Variants in KCNH4 observed in about 807,000 individuals in gnomAD.
KCNH4 encodes voltage-gated delayed rectifier potassium channel KCNH4.
KCNH4 carries 33 observed loss-of-function variants against 90.7 expected under a neutral mutation model. The ratio of observed to expected loss-of-function variants is 0.36; its 90% CI spans 0.28 to 0.49. The LOEUF is 0.49. Ranked by LOEUF, KCNH4 falls within the 20% of genes least tolerant of loss-of-function variation. KCNH4 has a pLI of 0.98. For missense variants in KCNH4, 1,044 were observed against 1,387.1 expected (o/e 0.75, Z 3.93); for synonymous variants, 551 against 581.7 (o/e 0.95, Z 0.76).
chr17:42,176,509 C>CTTTTTTTTTTTTTTTTTTTTT (rs869250233), intron 4 of KCNH4, among the ~76,000 whole-genome samples: 1 of 68,466 alleles, frequency 1.5e-5, no homozygotes, highest in Non-Finnish European at 2.8e-5. Flanking sequence ...GGCCCTCCTC[C>CTTTTTTTTTTTTTTTTTTTTT]TTTTTTTTTT....
chr17:42,162,254 G>A lies in KCNH4; in HGVS notation c.2652C>T (p.Asn884=), dbSNP rs764793359. 16 of 1,613,800 alleles carry A rather than the reference G, an allele frequency of 9.9e-6. No homozygotes were observed. In the South Asian group the frequency reaches 1.4e-4, roughly 14 times the overall value. Reference sequence around the variant, plus strand: ...TGAGCCAGCCCCAACCCACCTCCTGGTTCAGCCGGCAAACCTTTTCCTTCA... The same window carrying A: ...TGAGCCAGCCCCAACCCACCTCCTGATTCAGCCGGCAAACCTTTTCCTTCA... The part of the protein sequence containing the change: ...EEVKEKVCRL[N]QEISRLNQEV... Residue 884 remains asparagine (N), a synonymous_variant, in exon 15 of 17, where the codon AAC becomes AAT. Coordinates refer to ENST00000264661, the MANE Select transcript of KCNH4 (RefSeq NM_012285.3).
chr17:42,163,296 T>TCAG lies in KCNH4; in HGVS notation c.2513_2515dup (p.Ala838dup). On this transcript the variant is annotated inframe_insertion, in exon 14 of 17. Coordinates refer to ENST00000264661, the MANE Select transcript of KCNH4 (RefSeq NM_012285.3). This position sits in a 1 kb window ranked among gnomAD's most constrained non-coding sequence, Gnocchi z 5.4. ...CCTGCTGAATCGGAATGAAGGGGCC[T>TCAG]CAGCTGTGCTGCCAGAGTCCTCAAT... 1 of 1,614,048 alleles carries TCAG rather than the reference T, an allele frequency of 6.2e-7. No individual in the cohort carries two copies. The highest frequency in any genetic ancestry group is 8.5e-7 in the Non-Finnish European group (1 of 1,179,992).
At position 42,175,598 on chromosome 17, in the gene KCNH4, T is replaced by G. The variant is rs946444153; in HGVS notation, c.968A>C (p.Tyr323Ser). 1 of 1,614,086 alleles carries G rather than the reference T, an allele frequency of 6.2e-7. No homozygotes were observed. ...ACTCACCACGGTGATGTTGAAGATG[T>G]AAAGCAGGTCAAAGGGCAGAGCAGC... ...LIAALPFDLLYIFNITVTSLV... is the reference protein window; with the variant it reads ...LIAALPFDLLSIFNITVTSLV... The change falls in exon 6 of 17, where the codon TAC becomes TCC. Residue 323 changes from tyrosine to serine, a missense_variant. Tyr to Ser is a moderately radical substitution (Grantham distance 144, BLOSUM62 -2). This residue lies in a region of KCNH4 where 318 missense variants were observed against 479.6 expected (regional missense o/e 0.66). Transcript: ENST00000264661.
In KCNH4 at chr17:42,164,254, T is replaced by C. The variant is rs530859396; in HGVS notation, c.2086-86A>G. The C allele has an allele frequency of 1.0e-4, 126 of 1,244,554 alleles. No individual in the cohort carries two copies. In the African/African-American group the frequency reaches 1.6e-3, roughly 15 times the overall value. The allele number at this position is 1,244,554 out of a possible 1,614,324, so 77.1% of individuals were successfully genotyped here. ...CTCCCTGTCCCACCCAACAGTGTTA[T>C]GGGGTTGAGAATGTGGAGTCTTTTG... On this transcript the variant is annotated intron_variant, in intron 11 of 16. Coordinates refer to ENST00000264661, the MANE Select transcript of KCNH4 (RefSeq NM_012285.3).
Position 42,162,237 on chromosome 17 carries a change from C to G in KCNH4, c.2658+11G>C, listed in dbSNP as rs377351961. 45 of 1,613,056 alleles carry G rather than the reference C, an allele frequency of 2.8e-5. No individual in the cohort carries two copies. The highest frequency in any genetic ancestry group is 3.7e-5 in the Non-Finnish European group (44 of 1,179,376). On this transcript the variant is annotated intron_variant, in intron 15 of 16. Coordinates refer to ENST00000264661, the MANE Select transcript of KCNH4 (RefSeq NM_012285.3). ...TATATCAGGCACGTCTCTGAGCCAG[C>G]CCCAACCCACCTCCTGGTTCAGCCG...
chr17:42,178,378 C>G lies in KCNH4; in HGVS notation c.410G>C (p.Gly137Ala), dbSNP rs1181077087. The change falls in exon 3 of 17, where the codon GGA becomes GCA. Residue 137 changes from glycine to alanine, a missense_variant. This residue lies in a region of KCNH4 where 283 missense variants were observed against 378.6 expected (regional missense o/e 0.75). Coordinates refer to ENST00000264661, the MANE Select transcript of KCNH4 (RefSeq NM_012285.3). ...LFSFKDITQSGSPGLGPQGGR... is the reference protein window; with the variant it reads ...LFSFKDITQSASPGLGPQGGR... ...TCCTTGGGGGCCAAGTCCTGGGCTTCCACTCTGAGTGATATCCTTGAAGGA... is the reference window on the plus strand; with the variant it reads ...TCCTTGGGGGCCAAGTCCTGGGCTTGCACTCTGAGTGATATCCTTGAAGGA... 6.2e-7 allele frequency: 1 copy of G among 1,614,228 alleles called. No individual in the cohort carries two copies. Among genetic ancestry groups the G allele is most frequent in the Non-Finnish European group, 8.5e-7 (1 of 1,180,040 alleles).
rs2079810998 is a variant in KCNH4, at chr17:42,169,481, T to C, written c.1586A>G (p.Asn529Ser). The change falls in exon 9 of 17, where the codon AAC becomes AGC. Residue 529 changes from asparagine to serine, a missense_variant. Physicochemically the swap from Asn to Ser is conservative, Grantham distance 46. This residue lies in a region of KCNH4 where 318 missense variants were observed against 479.6 expected (regional missense o/e 0.66). Coordinates refer to ENST00000264661, the MANE Select transcript of KCNH4 (RefSeq NM_012285.3). Reference protein sequence around the residue: ...TWAVNSGIDANELLRDFPDEL... With the variant: ...TWAVNSGIDASELLRDFPDEL... ...ATTGGAGACCCTGCAGGCTACCTCG[T>C]TGGCGTCGATGCCGCTGTTGACGGC... The C allele has an allele frequency of 1.2e-6, 2 of 1,612,860 alleles. No homozygotes were observed. Among genetic ancestry groups the C allele is most frequent in the Non-Finnish European group, 8.5e-7 (1 of 1,179,960 alleles).
intron 11 of KCNH4, among the ~76,000 whole-genome samples, chr17:42,164,906 G>A (rs902063408): frequency 6.6e-6 from 1 of 151,984 alleles, no homozygotes; most frequent in African/African-American, 2.4e-5. Context: ...AGGAGTTCAA[G>A]ACCAGCCTGG....
chr17:42,165,033 G>A (rs1360849453), intron 11 of KCNH4, among the ~76,000 whole-genome samples: 2 of 151,820 alleles, frequency 1.3e-5, no homozygotes, highest in Non-Finnish European at 2.9e-5. Flanking sequence ...TCCAACCCAG[G>A]AGGCAGAGGT....
intron 12 of KCNH4, 78 bp from the exon 13 acceptor site, chr17:42,164,036 G>A (rs1284498337): frequency 2.7e-6 from 4 of 1,506,906 alleles, no homozygotes; most frequent in Admixed American, 4.1e-5. Context: ...CTTCGCCGGC[G>A]GATGCAGCTC....
In KCNH4 at chr17:42,169,486, G is replaced by A. The variant is rs1382569454; in HGVS notation, c.1581C>T (p.Asp527=). 1.1e-5 allele frequency: 18 copies of A among 1,612,768 alleles called. No homozygotes were observed. Among genetic ancestry groups the A allele is most frequent in the Admixed American group, 1.7e-5 (1 of 60,030 alleles). ...QTTWAVNSGI[D]ANELLRDFPD... ...AGACCCTGCAGGCTACCTCGTTGGC[G>A]TCGATGCCGCTGTTGACGGCCCACG... is the stretch of plus-strand genomic sequence containing the variant. Residue 527 remains aspartate, a synonymous_variant, in exon 9 of 17, where the codon GAC becomes GAT. Transcript: ENST00000264661.
In KCNH4 at chr17:42,178,077, G is replaced by A. The variant is rs1211051682; in HGVS notation, c.585+23C>T. On this transcript the variant is annotated intron_variant, in intron 4 of 16. Transcript: ENST00000264661. ...ATCAAGGCTGGAGGACTTGGGAGATGTTGGGTTGGGGGTGGGACTCACATT... is the reference window on the plus strand; with the variant it reads ...ATCAAGGCTGGAGGACTTGGGAGATATTGGGTTGGGGGTGGGACTCACATT... 8 of 1,608,280 alleles carry A rather than the reference G, an allele frequency of 5.0e-6. No homozygotes were observed. In the East Asian group the frequency reaches 1.1e-4, roughly 22 times the overall value.
At chr17:42,173,542 G>T (rs942452410) in intron 6 of KCNH4, among the ~76,000 whole-genome samples, 9 of 151,960 alleles carry the variant, frequency 5.9e-5, no homozygotes, top group African/African-American at 2.2e-4. Flanking sequence ...CTCTGCCAGT[G>T]CCTGCTCATC....
chr17:42,170,061 C>T, intron 8 of KCNH4, 46 bp downstream of exon 8: 2 of 1,529,372 alleles, frequency 1.3e-6, no homozygotes, highest in Non-Finnish European at 8.8e-7. Flanking sequence ...CCCGTGCATG[C>T]TGGGCTTCGC....
At chr17:42,164,839 C>T (rs946494713) in intron 11 of KCNH4, among the ~76,000 whole-genome samples, 1 of 149,234 alleles carries the variant, frequency 6.7e-6, no homozygotes, top group African/African-American at 2.5e-5. Flanking sequence ...GGCATTGTGG[C>T]TCATGCCTGT....
intron 9 of KCNH4, 135 bp from the exon 10 acceptor site, chr17:42,166,681 C>T: frequency 8.9e-7 from 1 of 1,122,092 alleles, no homozygotes; most frequent in Non-Finnish European, 1.3e-6. Flanking sequence ...ACCTTCAGTA[C>T]AACCTCTGTG....
At chr17:42,173,298 G>A (rs905271095) in intron 6 of KCNH4, among the ~76,000 whole-genome samples, 1 of 151,896 alleles carries the variant, frequency 6.6e-6, no homozygotes, top group Admixed American at 6.6e-5. Context: ...GGACCACCTC[G>A]TGCAATTTTT....
Position 42,170,136 on chromosome 17 carries a change from A to G in KCNH4, c.1361T>C (p.Ile454Thr), listed in dbSNP as rs1411449868. ...TATGAGCATCGTGCAGATGGAGAAG[A>G]TCTTCTCCGCGTCGGTGTTGGCACA... The part of the protein sequence containing the change: ...NVCANTDAEK[I>T]FSICTMLIGA... Residue 454 changes from isoleucine to threonine, a missense_variant, in exon 8 of 17, where the codon ATC becomes ACC. Physicochemically the swap from Ile to Thr is moderately conservative, Grantham distance 89 (BLOSUM62 -1). This residue lies in a region of KCNH4 where 318 missense variants were observed against 479.6 expected (regional missense o/e 0.66). Coordinates refer to ENST00000264661, the MANE Select transcript of KCNH4 (RefSeq NM_012285.3). The G allele has an allele frequency of 6.2e-7, 1 of 1,612,280 alleles. No homozygotes were observed. The highest frequency in any genetic ancestry group is 1.3e-5 in the African/African-American group (1 of 74,812).
chr17:42,177,438 A>G (rs1481947494), intron 4 of KCNH4, among the ~76,000 whole-genome samples: 5 of 151,762 alleles, frequency 3.3e-5, no homozygotes, highest in African/African-American at 1.2e-4. Flanking sequence ...GCCTCAAGCA[A>G]TCCTCCTGCC....
Sources: allele counts gnomAD v4.1 joint callset (sites outside exome capture counted in the v4.1 genomes callset), GRCh38; gene constraint gnomAD v4.1.1; regional missense constraint gnomAD v4.1.1; non-coding constraint Gnocchi (gnomAD v3.1); transcripts MANE v1.5; gene names NCBI Gene and HGNC (gene_info 2026-07-23, HGNC 2026-07-21).